The following ZNF804B variants were observed in gnomAD, a reference collection of about 807,000 sequenced individuals.
ZNF804B encodes the protein zinc finger 804B.
ZNF804B carries 80 observed loss-of-function variants against 101.4 expected under a neutral mutation model. The ratio of observed to expected loss-of-function variants is 0.79; its 90% CI spans 0.66 to 0.95. ZNF804B has a LOEUF of 0.95. ZNF804B is among the 40% of genes least tolerant of loss of function. The pLI is 0.00. For synonymous variants in ZNF804B, 622 were observed against 558.8 expected, an observed-to-expected ratio of 1.11 and a Z score of -1.59; for missense variants, 1,673 against 1,561.9, an observed-to-expected ratio of 1.07 and a Z score of -1.20.
chr7:88,848,136 A>C (rs1791402127), intron 1 of ZNF804B, among the ~76,000 whole-genome samples: 1 of 152,210 alleles, frequency 6.6e-6, no homozygotes, highest in Non-Finnish European at 1.5e-5. Context: ...GAGAACAGGG[A>C]TGCTGCTATA....
At chr7:88,805,147 T>A (rs1056953377) in intron 1 of ZNF804B, among the ~76,000 whole-genome samples, 3 of 152,132 alleles carry the variant, frequency 2.0e-5, no homozygotes, top group Non-Finnish European at 4.4e-5. Context: ...AGTTACACAT[T>A]TAATGGTGAC....
intron 2 of ZNF804B, among the ~76,000 whole-genome samples, chr7:89,280,925 T>C (rs1368693231): frequency 6.6e-6 from 1 of 152,172 alleles, no homozygotes; most frequent in Non-Finnish European, 1.5e-5. Context: ...TTTTTCAAGA[T>C]GTTTATATTT....
chr7:88,895,980 A>G (rs1366693498), intron 1 of ZNF804B, among the ~76,000 whole-genome samples: 3 of 152,208 alleles, frequency 2.0e-5, no homozygotes, highest in Non-Finnish European at 4.4e-5. Flanking sequence ...CTTACTGCTT[A>G]TGTGCAGACT....
intron 1 of ZNF804B, among the ~76,000 whole-genome samples, chr7:88,957,288 A>C (rs1389957667): frequency 2.0e-5 from 3 of 151,434 alleles, no homozygotes; most frequent in Non-Finnish European, 4.4e-5. Context: ...TTTCTTTCTA[A>C]TTTGATACTT....
At chr7:89,066,570 A>G (rs1789457487) in intron 1 of ZNF804B, among the ~76,000 whole-genome samples, 1 of 152,170 alleles carries the variant, frequency 6.6e-6, no homozygotes, top group Non-Finnish European at 1.5e-5. Context: ...GTTTTAATCA[A>G]ACATGCTAGA....
chr7:89,327,289 G>A, intron 2 of ZNF804B, 55 bp from the exon 3 acceptor site: 2 of 1,496,826 alleles, frequency 1.3e-6, no homozygotes, highest in Non-Finnish European at 8.9e-7. Flanking sequence ...CTTGTGGATG[G>A]AAAAGAATAT....
intron 2 of ZNF804B, among the ~76,000 whole-genome samples, chr7:89,307,129 T>A (rs1790577427): frequency 6.6e-6 from 1 of 152,002 alleles, no homozygotes; most frequent in African/African-American, 2.4e-5. Context: ...GCCTCTAATG[T>A]TTCCATTAAA....
intron 1 of ZNF804B, among the ~76,000 whole-genome samples, chr7:89,129,102 G>A (rs1042345902): frequency 2.6e-5 from 4 of 151,924 alleles, no homozygotes; most frequent in African/African-American, 7.2e-5. Context: ...ACCTGCTAAA[G>A]TTTGATAACC....
chr7:88,773,003 T>C (rs928564238), intron 1 of ZNF804B, among the ~76,000 whole-genome samples: 9 of 152,176 alleles, frequency 5.9e-5, no homozygotes, highest in African/African-American at 2.2e-4. Context: ...AACACTTAGA[T>C]GGACCATGAA....
intron 1 of ZNF804B, among the ~76,000 whole-genome samples, chr7:89,121,398 C>G (rs1276217145): frequency 1.3e-5 from 2 of 151,822 alleles, no homozygotes; most frequent in Non-Finnish European, 1.5e-5. Context: ...ACATTTTTCT[C>G]TATAATACAA....
intron 1 of ZNF804B, among the ~76,000 whole-genome samples, chr7:89,077,434 A>T (rs1789632249): frequency 6.6e-6 from 1 of 152,174 alleles, no homozygotes; most frequent in South Asian, 2.1e-4. Context: ...AACAGCCTTA[A>T]TTACAATCTT....
chr7:88,815,246 T>C (rs1790858370), intron 1 of ZNF804B, among the ~76,000 whole-genome samples: 1 of 148,512 alleles, frequency 6.7e-6, no homozygotes, highest in African/African-American at 2.4e-5. Context: ...ATTATTTAAT[T>C]GTAATCTCTT....
chr7:89,078,295 G>A (rs552576384), intron 1 of ZNF804B, among the ~76,000 whole-genome samples: 1 of 152,082 alleles, frequency 6.6e-6, no homozygotes, highest in South Asian at 2.1e-4. Context: ...TTTGTGCTAG[G>A]AAAAACAAAT....
intron 1 of ZNF804B, among the ~76,000 whole-genome samples, chr7:88,992,825 G>A (rs1450699415): frequency 6.6e-6 from 1 of 151,928 alleles, no homozygotes; most frequent in Non-Finnish European, 1.5e-5. Context: ...TTTTAAATCA[G>A]AAAGCTAACT....
intron 1 of ZNF804B, among the ~76,000 whole-genome samples, chr7:89,196,210 T>A (rs1218557570): frequency 6.6e-6 from 1 of 151,940 alleles, no homozygotes; most frequent in Admixed American, 6.6e-5. Flanking sequence ...AACAGACCCA[T>A]AGGCCAATGA....
chr7:88,851,571 CCAGA>C (rs1449206946), intron 1 of ZNF804B, among the ~76,000 whole-genome samples: 3 of 151,236 alleles, frequency 2.0e-5, no homozygotes, highest in African/African-American at 7.3e-5. Context: ...ATTTTTTTTT[CCAGA>C]CAAAGACTAA....
At chr7:89,061,424 G>A (rs1789377109) in intron 1 of ZNF804B, among the ~76,000 whole-genome samples, 1 of 151,678 alleles carries the variant, frequency 6.6e-6, no homozygotes, top group African/African-American at 2.4e-5. Flanking sequence ...TTCATATCAG[G>A]GAAACGACAC....
chr7:89,098,710 G>T (rs1790007123), intron 1 of ZNF804B, among the ~76,000 whole-genome samples: 1 of 152,080 alleles, frequency 6.6e-6, no homozygotes, highest in Non-Finnish European at 1.5e-5. Flanking sequence ...ACTCTGTGCT[G>T]CTCCTACATG....
At chr7:88,864,154 G>A (rs529294555) in intron 1 of ZNF804B, among the ~76,000 whole-genome samples, 82 of 152,156 alleles carry the variant, frequency 5.4e-4, no homozygotes, top group Non-Finnish European at 8.4e-4. Flanking sequence ...ACATTTTCTC[G>A]TATTTGTTTG....
Sources: gnomAD v4.1 joint callset for allele counts (sites outside exome capture counted in the v4.1 genomes callset) on GRCh38, gnomAD v4.1.1 for gene constraint, MANE v1.5 for transcripts, NCBI Gene and HGNC (gene_info 2026-07-23, HGNC 2026-07-21) for gene names.